Variants in KCP observed in about 807,000 individuals in gnomAD.
KCP encodes the protein kielin cysteine rich BMP regulator.
A neutral mutation model predicts 212.7 loss-of-function variants in KCP; 194 were observed. That is an observed-to-expected ratio of 0.91 (90% CI 0.81 to 1.03). The LOEUF is 1.03. Ranked by LOEUF, KCP falls within the 50% of genes least tolerant of loss-of-function variation. The pLI, the probability that KCP is intolerant of heterozygous loss-of-function variation, is 0.00. For missense variants in KCP, 2,080 were observed against 2,162.5 expected (o/e 0.96, Z 0.76); for synonymous variants, 833 against 865.3 (o/e 0.96, Z 0.65).
intron 7 of KCP, 57 bp from the exon 8 acceptor site, chr7:128,902,916 C>A (rs868235372): frequency 7.6e-7 from 1 of 1,314,110 alleles, no homozygotes. Context: ...TGGACCCCAG[C>A]CTCAGCCTGC....
Position 128,888,129 on chromosome 7 carries a change from C to T in KCP, c.2512+734G>A, listed in dbSNP as rs560977978. ...ACACAGCTACAGCCATACACACACA[C>T]ACACACACACAGGGCCACACACACA... On this transcript the variant is annotated intron_variant, in intron 22 of 39. Transcript: ENST00000610776. Among the ~76,000 whole-genome samples the T allele has an allele frequency of 3.5e-3, 513 of 146,262 alleles. 5 individuals are homozygous for T. The highest frequency in any genetic ancestry group is 0.013 in the African/African-American group (495 of 39,592).
chr7:128,888,951 G>A lies in KCP; in HGVS notation c.2424C>T (p.Gly808=), dbSNP rs1563031976. Residue 808 remains glycine (G), a synonymous_variant, in exon 22 of 40, where the codon GGC becomes GGT. Transcript: ENST00000610776. ...EPCNLCTCLG[G]FVTCGRRPCE... ...AGGGCCGGCGGCCGCAGGTCACGAA[G>A]CCTCCAAGACAGGTACACAGGTTGC... is the stretch of plus-strand genomic sequence containing the variant. 6.4e-7 allele frequency: 1 copy of A among 1,550,932 alleles called. No individual in the cohort carries two copies. The highest frequency in any genetic ancestry group is 2.0e-5 in the Admixed American group (1 of 50,942).
intron 8 of KCP, among the ~76,000 whole-genome samples, chr7:128,901,972 C>G (rs572687176): frequency 2.0e-4 from 31 of 152,348 alleles, no homozygotes; most frequent in Middle Eastern, 6.8e-3. Flanking sequence ...TAAACACCAC[C>G]CCACCCATGA....
chr7:128,903,007 C>A, intron 7 of KCP, 148 bp from the exon 8 acceptor site: 1 of 644,398 alleles, frequency 1.6e-6, no homozygotes. Flanking sequence ...CCTAGATTCC[C>A]CAGTGGCTCC....
chr7:128,903,895 C>G, intron 6 of KCP, 75 bp from the exon 7 acceptor site: 3 of 1,377,480 alleles, frequency 2.2e-6, no homozygotes, highest in Non-Finnish European at 1.0e-6. Flanking sequence ...GTTGGGCACC[C>G]TCGGAGGAGG....
chr7:128,884,491 C>T (rs1407067471), intron 28 of KCP, among the ~76,000 whole-genome samples: 2 of 152,182 alleles, frequency 1.3e-5, no homozygotes, highest in Admixed American at 6.5e-5. Context: ...CACAATATGA[C>T]CCCTAGCCAC....
chr7:128,903,158 A>C, intron 7 of KCP: 2 of 455,210 alleles, frequency 4.4e-6, no homozygotes, highest in Non-Finnish European at 7.9e-6. Flanking sequence ...AACATTGCAC[A>C]CTCACCCTCC....
chr7:128,889,055 C>A lies in KCP; in HGVS notation c.2336-16G>T. ...TACTCACAGCCTTTCAGAGAAGAGA[C>A]AGAGAGGCCGAGGGGAGGGACAGAA... On this transcript the variant is annotated splice_polypyrimidine_tract_variant and intron_variant, in intron 21 of 39. Coordinates refer to ENST00000610776, the MANE Select transcript of KCP (RefSeq NM_001366122.1). 6.8e-7 allele frequency: 1 copy of A among 1,478,578 alleles called. No individual in the cohort carries two copies. The highest frequency in any genetic ancestry group is 9.0e-7 in the Non-Finnish European group (1 of 1,108,796). 91.6% of individuals were successfully genotyped at this position (1,478,578 alleles called of 1,614,324 possible). A position where few individuals can be genotyped will look rare whatever the true frequency, so the allele number is the denominator to read the frequency against.
intron 22 of KCP, among the ~76,000 whole-genome samples, chr7:128,888,529 C>T (rs1793875092): frequency 1.3e-5 from 2 of 150,092 alleles, no homozygotes; most frequent in Middle Eastern, 3.4e-3. Context: ...CACACAGATA[C>T]ACACATACAC....
Position 128,877,023 on chromosome 7 carries a change from T to C in KCP, c.*20A>G. ...GGGAGACTCCTGGCCTGATGAACCC[T>C]TATCAGGCACTGTCCTGGCTCAGGG... On this transcript the variant is annotated 3_prime_UTR_variant, in exon 40 of 40. Coordinates refer to ENST00000610776, the MANE Select transcript of KCP (RefSeq NM_001366122.1). The C allele has an allele frequency of 6.5e-7, 1 of 1,536,802 alleles. No individual in the cohort carries two copies. Among genetic ancestry groups the C allele is most frequent in the Admixed American group, 2.2e-5 (1 of 46,358 alleles).
At chr7:128,895,267 A>G (rs1195412850) in intron 8 of KCP, among the ~76,000 whole-genome samples, 2 of 152,248 alleles carry the variant, frequency 1.3e-5, no homozygotes, top group Middle Eastern at 3.2e-3. Context: ...CTGAAAAAAA[A>G]TGGACCTGAA....
intron 8 of KCP, among the ~76,000 whole-genome samples, chr7:128,894,663 A>G (rs576504831): frequency 1.3e-5 from 2 of 152,124 alleles, no homozygotes; most frequent in Non-Finnish European, 1.5e-5. Context: ...CTGGAATGCA[A>G]TGGTGTGATC....
In KCP at chr7:128,891,475, G is replaced by T; in HGVS notation, c.1854C>A (p.Asp618Glu). Reference sequence around the variant, plus strand: ...CCAGACAGCGACACAGACGGCAGGGGTCAGAGGGGTGGGGGAAGTCCGCTC... The same window carrying T: ...CCAGACAGCGACACAGACGGCAGGGTTCAGAGGGGTGGGGGAAGTCCGCTC... The part of the protein sequence containing the change: ...PSGADFPHPS[D>E]PCRLCRCLSG... Residue 618 changes from aspartate to glutamate, a missense_variant, in exon 18 of 40, where the codon GAC becomes GAA. By Grantham distance (45) the Asp-to-Glu change is conservative. Transcript: ENST00000610776. The T allele has an allele frequency of 1.9e-6, 3 of 1,550,458 alleles. No individual in the cohort carries two copies. The highest frequency in any genetic ancestry group is 2.6e-6 in the Non-Finnish European group (3 of 1,146,774).
At chr7:128,883,940 G>A in intron 29 of KCP, 62 bp downstream of exon 29, 1 of 1,503,262 alleles carries the variant, frequency 6.7e-7, no homozygotes, top group Non-Finnish European at 8.9e-7. Context: ...TGGTGAGGAA[G>A]GGCGGCAGGG....
chr7:128,884,071 T>C lies in KCP; in HGVS notation c.3175A>G (p.Ser1059Gly). ...TGGCTGGGGGGGCAGCCCACCAGGC[T>C]GGGACACTGCCGCCGGTGACAGCGA... ...SLRCHRRQCP[S>G]LVGCPPSQLL... The change falls in exon 29 of 40, where the codon AGC becomes GGC. Residue 1059 changes from serine (S) to glycine (G), a missense_variant. Transcript: ENST00000610776. The C allele has an allele frequency of 1.9e-6, 3 of 1,544,166 alleles. No individual in the cohort carries two copies. Among genetic ancestry groups the C allele is most frequent in the Non-Finnish European group, 2.6e-6 (3 of 1,145,164 alleles).
chr7:128,903,381 TG>T, intron 7 of KCP: 1 of 323,316 alleles, frequency 3.1e-6, no homozygotes. Flanking sequence ...TTCCTGCCCT[TG>T]GCTGTTACAA....
intron 28 of KCP, 108 bp downstream of exon 28, chr7:128,884,673 C>T: frequency 2.0e-6 from 2 of 1,022,964 alleles, no homozygotes; most frequent in Non-Finnish European, 1.5e-6. Flanking sequence ...CTCCTTTGGC[C>T]CCCAGAGTGC....
At chr7:128,886,301 A>G (rs1347067218) in intron 26 of KCP, among the ~76,000 whole-genome samples, 163 bp downstream of exon 26, 4 of 148,396 alleles carry the variant, frequency 2.7e-5, no homozygotes, top group African/African-American at 5.0e-5. Context: ...AGTCCCGGAC[A>G]GGGAGAGGTA....
Position 128,893,292 on chromosome 7 carries a change from C to A in KCP, c.1213G>T (p.Glu405Ter), listed in dbSNP as rs1427722012. 1 of 1,551,396 alleles carries A rather than the reference C, an allele frequency of 6.4e-7. No individual in the cohort carries two copies. Among genetic ancestry groups the A allele is most frequent in the Admixed American group, 2.0e-5 (1 of 50,976 alleles). The change falls in exon 13 of 40, where the codon GAG (glutamate) becomes TAG (stop). Residue 405 changes from glutamate to a stop codon, truncating the protein, a stop_gained. Transcript: ENST00000610776. LOFTEE classifies it high-confidence loss of function. ...AGGGCACAGGGGGTGACTGGGCACT[C>A]CTGCTCCTCACAGGAGACCTCGCCA... ...QAGEVSCEEQ[E>*]CPVTPCALPA...
Sources: allele counts gnomAD v4.1 joint callset (sites outside exome capture counted in the v4.1 genomes callset), GRCh38; gene constraint gnomAD v4.1.1; transcripts MANE v1.5; gene names NCBI Gene and HGNC (gene_info 2026-07-23, HGNC 2026-07-21).